The following NHSL1 variants were observed in gnomAD, a reference collection of about 807,000 sequenced individuals.
The protein encoded by NHSL1 is NHS like 1.
Under a neutral mutation model 95.0 loss-of-function variants are expected in NHSL1, and 48 were observed. That is an observed-to-expected ratio of 0.51 (90% confidence interval 0.40 to 0.64). The LOEUF (loss-of-function observed/expected upper bound fraction) is 0.64. Ranked by LOEUF, NHSL1 falls within the 30% of genes least tolerant of loss-of-function variation. NHSL1 has a pLI of 0.00. For missense variants in NHSL1, 1,971 were observed against 2,077.7 expected, an observed-to-expected ratio of 0.95 and a Z score of 1.00; for synonymous variants, 783 against 833.9, an observed-to-expected ratio of 0.94 and a Z score of 1.05.
intron 1 of NHSL1, among the ~76,000 whole-genome samples, chr6:138,615,450 C>T (rs780083314): frequency 6.6e-6 from 1 of 152,150 alleles, no homozygotes; most frequent in African/African-American, 2.4e-5. Context: ...ATGGAAATAA[C>T]CCAAGCATGC....
intron 1 of NHSL1, among the ~76,000 whole-genome samples, chr6:138,583,951 G>A (rs1246199716): frequency 6.6e-6 from 1 of 151,928 alleles, no homozygotes; most frequent in African/African-American, 2.4e-5. Context: ...CTCCCACCTC[G>A]TCTCTACAAA....
intron 1 of NHSL1, among the ~76,000 whole-genome samples, chr6:138,510,372 T>G (rs1401763401): frequency 6.6e-6 from 1 of 152,218 alleles, no homozygotes; most frequent in Admixed American, 6.5e-5. Context: ...CAGCAAGACC[T>G]ATAGTTAAGT....
At chr6:138,565,457 T>C (rs956611508) in intron 1 of NHSL1, among the ~76,000 whole-genome samples, 6 of 151,788 alleles carry the variant, frequency 4.0e-5, no homozygotes, top group African/African-American at 1.5e-4. Context: ...GACTCATGGA[T>C]GGATCAAAGG....
intron 1 of NHSL1, among the ~76,000 whole-genome samples, chr6:138,551,182 A>T (rs1394788796): frequency 6.6e-6 from 1 of 152,326 alleles, no homozygotes; most frequent in Non-Finnish European, 1.5e-5. Flanking sequence ...TGGATGTATA[A>T]GAAAAATATA....
intron 1 of NHSL1, among the ~76,000 whole-genome samples, chr6:138,630,222 CA>C (rs573054036): frequency 8.4e-4 from 116 of 138,696 alleles, no homozygotes; most frequent in Non-Finnish European, 7.3e-4. Flanking sequence ...CCACTCCCAC[CA>C]AAAAAAAAAA....
At chr6:138,668,439 A>G (rs754167234) in intron 1 of NHSL1, among the ~76,000 whole-genome samples, 16 of 151,964 alleles carry the variant, frequency 1.1e-4, no homozygotes, top group Non-Finnish European at 1.5e-4. Flanking sequence ...GCGAAACTCC[A>G]TCTCAAAAAA....
At chr6:138,494,781 TAGGAGA>T (rs1780253065) in intron 2 of NHSL1, among the ~76,000 whole-genome samples, 1 of 152,168 alleles carries the variant, frequency 6.6e-6, no homozygotes, top group Non-Finnish European at 1.5e-5. Flanking sequence ...TACTGCATGG[TAGGAGA>T]AGTCTGGTAG....
At chr6:138,480,321 G>A (rs184664365) in intron 2 of NHSL1, among the ~76,000 whole-genome samples, 6 of 152,278 alleles carry the variant, frequency 3.9e-5, no homozygotes, top group African/African-American at 1.4e-4. Flanking sequence ...CCTGAGTATT[G>A]TATTTTCCAT....
intron 1 of NHSL1, among the ~76,000 whole-genome samples, chr6:138,612,388 G>A (rs746905451): frequency 6.6e-6 from 1 of 152,032 alleles, no homozygotes; most frequent in Non-Finnish European, 1.5e-5. Flanking sequence ...GCCCGGGGAA[G>A]GATTAAAACC....
intron 1 of NHSL1, chr6:138,691,800 G>A: frequency 2.3e-6 from 1 of 428,002 alleles, no homozygotes; most frequent in South Asian, 1.7e-5. Flanking sequence ...GACTTTCAGG[G>A]TTGGAGGAAG....
At chr6:138,462,335 G>C (rs1778053249) in intron 3 of NHSL1, among the ~76,000 whole-genome samples, 1 of 152,056 alleles carries the variant, frequency 6.6e-6, no homozygotes, top group Non-Finnish European at 1.5e-5. Context: ...GGATCTGAGG[G>C]GCTCCTGGCT....
At chr6:138,459,138 C>T (rs558660078) in intron 3 of NHSL1, among the ~76,000 whole-genome samples, 2 of 152,210 alleles carry the variant, frequency 1.3e-5, no homozygotes, top group East Asian at 3.9e-4. Flanking sequence ...CAGGCACACA[C>T]CACCATGCCC....
intron 1 of NHSL1, among the ~76,000 whole-genome samples, chr6:138,657,645 C>G (rs1785173194): frequency 6.6e-6 from 1 of 151,580 alleles, no homozygotes; most frequent in Non-Finnish European, 1.5e-5. Flanking sequence ...AACCCCGTCT[C>G]TACTAAAAAT....
intron 1 of NHSL1, among the ~76,000 whole-genome samples, chr6:138,563,864 A>G (rs1449751211): frequency 6.6e-6 from 1 of 152,214 alleles, no homozygotes; most frequent in African/African-American, 2.4e-5. Flanking sequence ...GAGGTTTAAC[A>G]GGATCACTGA....
intron 1 of NHSL1, among the ~76,000 whole-genome samples, chr6:138,557,407 A>AC (rs1021896419): frequency 1.9e-4 from 29 of 151,934 alleles, no homozygotes; most frequent in Non-Finnish European, 2.6e-4. Context: ...GGTTACCCAG[A>AC]CCCCCCCACA....
At chr6:138,693,199 G>A (rs1334511349), upstream of NHSL1, among the ~76,000 whole-genome samples, 1 of 151,418 alleles carries the variant, frequency 6.6e-6, no homozygotes, top group African/African-American at 2.4e-5. This position sits in a 1 kb window ranked among gnomAD's most constrained non-coding sequence, Gnocchi z 4.3. Context: ...GGAAGCGAGG[G>A]AAGTGCCGCC....
In NHSL1 at chr6:138,634,151, AAGG is replaced by A. The variant is rs143917643; in HGVS notation, c.96+58322_96+58324del. Among the ~76,000 whole-genome samples the A allele has an allele frequency of 5.5e-3, 831 of 152,298 alleles. 13 individuals are homozygous for A. In the East Asian group the frequency reaches 0.073, roughly 13 times the overall value. Reference sequence around the variant, plus strand: ...AAAGGAAGACAGGAAGGAAAGAAAGAAGGAGAAGACCATAAAACAACCAGAAAA... The same window carrying A: ...AAAGGAAGACAGGAAGGAAAGAAAGAAGAAGACCATAAAACAACCAGAAAA... On this transcript the variant is annotated intron_variant, in intron 1 of 3. Transcript: ENST00000491526.
chr6:138,472,793 T>G (rs1778835063), intron 3 of NHSL1, among the ~76,000 whole-genome samples: 1 of 152,228 alleles, frequency 6.6e-6, no homozygotes, highest in Non-Finnish European at 1.5e-5. Flanking sequence ...CTAAATGAAT[T>G]GGCTAGTGCA....
At chr6:138,671,223 G>A (rs62432554) in intron 1 of NHSL1, among the ~76,000 whole-genome samples, 7,856 of 152,144 alleles carry the variant, frequency 0.052, 258 homozygotes, top group Non-Finnish European at 0.075. Flanking sequence ...TTGGGAGGCC[G>A]AGGCGGGCAG....
Sources: allele counts gnomAD v4.1 joint callset (sites outside exome capture counted in the v4.1 genomes callset), GRCh38; gene constraint gnomAD v4.1.1; non-coding constraint Gnocchi (gnomAD v3.1); transcripts MANE v1.5; gene names NCBI Gene and HGNC (gene_info 2026-07-23, HGNC 2026-07-21).